CFAP90: variants seen among roughly 807,000 people sequenced by gnomAD.
The protein encoded by CFAP90 is cilia and flagella associated protein 90.
chr5:7,832,246 T>C, the CFAP90 span, among the ~76,000 whole-genome samples: 55 of 152,252 alleles, frequency 3.6e-4, no homozygotes, highest in African/African-American at 1.1e-3. Context: ...GGTGTATTCA[T>C]TGGACATGTT....
the CFAP90 span, among the ~76,000 whole-genome samples, chr5:7,841,796 G>C: frequency 0.027 from 4,139 of 152,170 alleles, 183 homozygotes; most frequent in African/African-American, 0.094. Flanking sequence ...GGACACATGG[G>C]GGGTGGGCAA....
the CFAP90 span, among the ~76,000 whole-genome samples, chr5:7,850,651 T>G: frequency 2.1e-5 from 1 of 47,876 alleles, no homozygotes; most frequent in East Asian, 7.1e-4. Context: ...GCCCCTAAGG[T>G]GAGCCCCGCC....
At chr5:7,850,340 G>C in the CFAP90 span, among the ~76,000 whole-genome samples, 1 of 150,018 alleles carries the variant, frequency 6.7e-6, no homozygotes, top group East Asian at 2.0e-4. Flanking sequence ...CCCACCCCTG[G>C]TAGTGAAGCC....
the CFAP90 span, among the ~76,000 whole-genome samples, chr5:7,848,974 T>C: frequency 9.9e-5 from 15 of 152,222 alleles, no homozygotes; most frequent in Non-Finnish European, 2.1e-4. Context: ...TTATTAGCAG[T>C]GTGAGAAAGG....
chr5:7,850,771 C>T, the CFAP90 span: 1 of 1,166,558 alleles, frequency 8.6e-7, no homozygotes, highest in Non-Finnish European at 1.1e-6. Context: ...CGCCCCTCCG[C>T]GGCCGCCCGC....
chr5:7,850,855 G>T, the CFAP90 span: 14 of 1,290,174 alleles, frequency 1.1e-5, no homozygotes, highest in Non-Finnish European at 1.4e-5. Flanking sequence ...CGGTCTCCGC[G>T]CCCAGTCCGC....
the CFAP90 span, among the ~76,000 whole-genome samples, chr5:7,842,901 T>C: frequency 1.3e-5 from 2 of 152,200 alleles, no homozygotes; most frequent in Admixed American, 6.5e-5. Flanking sequence ...ATGCTAACAG[T>C]TGGCTTTTGT....
chr5:7,835,837 A>G, the CFAP90 span, among the ~76,000 whole-genome samples: 1 of 152,192 alleles, frequency 6.6e-6, no homozygotes, highest in South Asian at 2.1e-4. Context: ...TAAAATAAAA[A>G]TGTGTCCTAG....
the CFAP90 span, among the ~76,000 whole-genome samples, chr5:7,846,019 A>C: frequency 1.3e-5 from 2 of 151,714 alleles, no homozygotes; most frequent in African/African-American, 4.8e-5. Context: ...GCACTTAGTG[A>C]AAAGAAGCTC....
At chr5:7,850,814 AG>A in the CFAP90 span, 1 of 1,165,920 alleles carries the variant, frequency 8.6e-7, no homozygotes, top group Non-Finnish European at 1.1e-6. Flanking sequence ...CCAGCCGCCC[AG>A]CCGCCCAGCC....
At chr5:7,837,372 A>C in the CFAP90 span, among the ~76,000 whole-genome samples, 1 of 152,184 alleles carries the variant, frequency 6.6e-6, no homozygotes, top group African/African-American at 2.4e-5. Context: ...ACACTCAGAC[A>C]TGTCTCCATG....
At chr5:7,847,041 T>C in the CFAP90 span, among the ~76,000 whole-genome samples, 1 of 152,180 alleles carries the variant, frequency 6.6e-6, no homozygotes, top group African/African-American at 2.4e-5. Context: ...ACAGTAAATT[T>C]AGGTGTAACT....
At chr5:7,835,401 C>T in the CFAP90 span, 2 of 1,593,790 alleles carry the variant, frequency 1.3e-6, no homozygotes, top group Non-Finnish European at 1.7e-6. Context: ...AACATGAAGT[C>T]CCAGGCTTTT....
the CFAP90 span, among the ~76,000 whole-genome samples, chr5:7,843,516 C>T: frequency 6.6e-6 from 1 of 152,142 alleles, no homozygotes; most frequent in Non-Finnish European, 1.5e-5. Context: ...GTGTCTGTGT[C>T]AAATTCTAAG....
chr5:7,832,094 A>G, the CFAP90 span: 62 of 1,510,376 alleles, frequency 4.1e-5, no homozygotes, highest in Non-Finnish European at 5.6e-5. Context: ...TCACCCGTGC[A>G]TCCATCAGCC....
the CFAP90 span, chr5:7,835,427 A>G: frequency 6.2e-7 from 1 of 1,608,080 alleles, no homozygotes; most frequent in Non-Finnish European, 8.5e-7. Flanking sequence ...GTTCTCTGTC[A>G]TCTCGGTGCA....
the CFAP90 span, among the ~76,000 whole-genome samples, chr5:7,850,104 C>A: frequency 6.6e-6 from 1 of 152,198 alleles, no homozygotes; most frequent in Non-Finnish European, 1.5e-5. Context: ...ACTCCCAGCC[C>A]CTGATCGCAG....
the CFAP90 span, among the ~76,000 whole-genome samples, chr5:7,842,253 G>A: frequency 6.7e-6 from 1 of 149,962 alleles, no homozygotes; most frequent in Non-Finnish European, 1.5e-5. Context: ...CCCTTTCAGA[G>A]TATTTAAAGC....
At chr5:7,845,737 C>G in the CFAP90 span, among the ~76,000 whole-genome samples, 1 of 152,044 alleles carries the variant, frequency 6.6e-6, no homozygotes, top group African/African-American at 2.4e-5. Flanking sequence ...ATGGGCAAAG[C>G]CCACGCTACT....
Sources: gnomAD v4.1 joint callset for allele counts (sites outside exome capture counted in the v4.1 genomes callset) on GRCh38, gnomAD v4.1.1 for gene constraint, MANE v1.5 for transcripts, NCBI Gene and HGNC (gene_info 2026-07-23, HGNC 2026-07-21) for gene names.